Variants in PTPRD observed in about 807,000 individuals in gnomAD.
The protein encoded by PTPRD is protein tyrosine phosphatase receptor type D, also known as receptor-type tyrosine-protein phosphatase delta.
PTPRD carries 34 observed loss-of-function variants against 214.5 expected under a neutral mutation model. That is an observed-to-expected ratio of 0.16 (90% CI 0.12 to 0.21). PTPRD has a LOEUF of 0.21. Ranked by LOEUF, PTPRD falls within the 10% of genes least tolerant of loss-of-function variation. The probability of loss-of-function intolerance (pLI) is 1.00; values close to 1 mark genes in which losing one functional copy is unlikely to be tolerated. For synonymous variants in PTPRD, 1,128 were observed against 845.7 expected (o/e 1.33, Z -5.79); for missense variants, 2,545 against 2,398.7 (o/e 1.06, Z -1.27).
chr9:10,403,591 G>C (rs1180983688), intron 2 of PTPRD, among the ~76,000 whole-genome samples: 1 of 151,268 alleles, frequency 6.6e-6, no homozygotes, highest in Non-Finnish European at 1.5e-5. Flanking sequence ...CTCTGACCAT[G>C]GGCTCCAGCA....
intron 4 of PTPRD, among the ~76,000 whole-genome samples, chr9:9,990,043 C>G (rs2095859657): frequency 6.6e-6 from 1 of 152,212 alleles, no homozygotes; most frequent in African/African-American, 2.4e-5. Flanking sequence ...ACATGGGGAT[C>G]TGTCTCTCCT....
At chr9:10,397,338 T>G (rs2098190419) in intron 2 of PTPRD, among the ~76,000 whole-genome samples, 1 of 152,010 alleles carries the variant, frequency 6.6e-6, no homozygotes, top group South Asian at 2.1e-4. Flanking sequence ...AAACAACATG[T>G]AAGTGTCCCA....
intron 10 of PTPRD, among the ~76,000 whole-genome samples, chr9:9,033,819 T>C (rs949802087): frequency 2.0e-5 from 3 of 152,114 alleles, no homozygotes; most frequent in African/African-American, 7.2e-5. Flanking sequence ...GACTGCAGTA[T>C]GTAAATTGAC....
intron 37 of PTPRD, among the ~76,000 whole-genome samples, chr9:8,380,800 C>T (rs12352188): frequency 0.21 from 32,149 of 151,938 alleles, 5,204 homozygotes; most frequent in East Asian, 0.49. Flanking sequence ...ATATGGCTTA[C>T]CTTGGGAGTG....
intron 2 of PTPRD, among the ~76,000 whole-genome samples, chr9:10,565,291 C>A: frequency 6.6e-6 from 1 of 151,854 alleles, no homozygotes; most frequent in East Asian, 1.9e-4. Context: ...AAGTAATCTC[C>A]CTCATGCTCA....
chr9:9,080,305 G>T (rs1038628454), intron 10 of PTPRD, among the ~76,000 whole-genome samples: 1 of 151,988 alleles, frequency 6.6e-6, no homozygotes, highest in African/African-American at 2.4e-5. Context: ...ACTCTAGAAT[G>T]ACATTTTTAA....
intron 8 of PTPRD, among the ~76,000 whole-genome samples, chr9:9,569,285 A>C (rs1409894152): frequency 6.6e-6 from 1 of 151,776 alleles, no homozygotes; most frequent in Non-Finnish European, 1.5e-5. Flanking sequence ...AGGGGAAAAA[A>C]AAAAGGTATT....
rs1437643395 is a variant in PTPRD at position 10,190,319 on chromosome 9, C to G, written c.-545+150644G>C. 3.6e-5 allele frequency among the ~76,000 whole-genome samples: 5 copies of G among 137,044 alleles called. No individual in the cohort carries two copies. In the East Asian group the frequency reaches 1.2e-3, roughly 32 times the overall value. 89.9% of individuals were successfully genotyped at this position (137,044 alleles called of 152,430 possible). A position where few individuals can be genotyped will look rare whatever the true frequency, so the allele number is the denominator to read the frequency against. On this transcript the variant is annotated intron_variant, in intron 3 of 45. Transcript: ENST00000381196. ...GGTGGAGGTTGCAGTGAATTGAGAT[C>G]CAAGATCATGCAATCATGACACTGC... is the stretch of plus-strand genomic sequence containing the variant.
At chr9:8,338,846 C>CGAGAGAGA in intron 43 of PTPRD, 76 bp downstream of exon 43, 1 of 1,029,852 alleles carries the variant, frequency 9.7e-7, no homozygotes, top group African/African-American at 2.3e-5. Flanking sequence ...AGTGCTTCTC[C>CGAGAGAGA]CAGAGAGAGA....
intron 11 of PTPRD, among the ~76,000 whole-genome samples, chr9:8,823,942 G>C (rs1339417920): frequency 6.6e-6 from 1 of 152,156 alleles, no homozygotes; most frequent in Admixed American, 6.5e-5. Context: ...GCTAAACAAG[G>C]GGTGGATTAT....
At chr9:8,837,120 G>C (rs1231413673) in intron 11 of PTPRD, among the ~76,000 whole-genome samples, 1 of 150,470 alleles carries the variant, frequency 6.6e-6, no homozygotes, top group South Asian at 2.1e-4. Flanking sequence ...CCGCCTTCCA[G>C]GTTCAAGTGA....
chr9:8,333,628 A>T (rs1009192584), intron 43 of PTPRD, among the ~76,000 whole-genome samples: 1 of 151,570 alleles, frequency 6.6e-6, no homozygotes, highest in African/African-American at 2.4e-5. Flanking sequence ...CATCAACGCT[A>T]TGAAGAAGCT....
chr9:9,586,979 C>T (rs550033326), intron 7 of PTPRD, among the ~76,000 whole-genome samples: 23 of 151,946 alleles, frequency 1.5e-4, no homozygotes, highest in Non-Finnish European at 3.2e-4. Flanking sequence ...TAAGTCATCA[C>T]TCTCTCCTGT....
At chr9:9,981,885 C>A (rs920505754) in intron 4 of PTPRD, among the ~76,000 whole-genome samples, 1 of 152,034 alleles carries the variant, frequency 6.6e-6, no homozygotes, top group African/African-American at 2.4e-5. Flanking sequence ...GAATGTAAGA[C>A]ACATAAAGAC....
chr9:8,515,080 C>T (rs1377594349), intron 21 of PTPRD, among the ~76,000 whole-genome samples: 1 of 152,180 alleles, frequency 6.6e-6, no homozygotes, highest in Non-Finnish European at 1.5e-5. Context: ...TTGTAAATTA[C>T]TCAGTCATGG....
intron 5 of PTPRD, among the ~76,000 whole-genome samples, chr9:9,847,754 C>T (rs2153657290): frequency 6.6e-6 from 1 of 152,112 alleles, no homozygotes; most frequent in Admixed American, 6.6e-5. Flanking sequence ...TATCTGGTGC[C>T]TGTGAAGTTA....
intron 9 of PTPRD, among the ~76,000 whole-genome samples, chr9:9,348,777 T>C (rs772737490): frequency 5.9e-5 from 9 of 152,094 alleles, no homozygotes; most frequent in Admixed American, 2.0e-4. Context: ...ATTTGTGCTA[T>C]GGAGATTCAC....
At chr9:9,887,796 T>C (rs890513339) in intron 5 of PTPRD, among the ~76,000 whole-genome samples, 1 of 152,080 alleles carries the variant, frequency 6.6e-6, no homozygotes, top group Non-Finnish European at 1.5e-5. Context: ...GAGGGGGCAA[T>C]ATTTTTAAAA....
intron 4 of PTPRD, among the ~76,000 whole-genome samples, chr9:9,987,744 T>C (rs1410326407): frequency 6.6e-6 from 1 of 152,230 alleles, no homozygotes; most frequent in African/African-American, 2.4e-5. Context: ...AAAATAGTAT[T>C]TAATTGTTCA....
Sources: allele counts gnomAD v4.1 joint callset (sites outside exome capture counted in the v4.1 genomes callset), GRCh38; gene constraint gnomAD v4.1.1; transcripts MANE v1.5; gene names NCBI Gene and HGNC (gene_info 2026-07-23, HGNC 2026-07-21).